The following SUMF1 variants were observed in gnomAD, a reference collection of about 807,000 sequenced individuals.
The protein encoded by SUMF1 is sulfatase modifying factor 1, also known as formylglycine-generating enzyme.
Under a neutral mutation model 47.6 loss-of-function variants are expected in SUMF1, and 48 were observed. That is an observed-to-expected ratio of 1.01 (90% CI 0.80 to 1.28). The LOEUF (loss-of-function observed/expected upper bound fraction) is 1.28. Among genes scored for constraint, SUMF1 ranks in the 50% most tolerant of loss-of-function variants. The pLI is 0.00. For synonymous variants in SUMF1, 230 were observed against 192.1 expected (o/e 1.20, Z -1.63); for missense variants, 571 against 485.4 (o/e 1.18, Z -1.66).
intron 8 of SUMF1, among the ~76,000 whole-genome samples, chr3:4,141,733 A>C (rs1181227237): frequency 6.6e-6 from 1 of 152,152 alleles, no homozygotes; most frequent in Non-Finnish European, 1.5e-5. Context: ...CACTTCATCC[A>C]CAGACAGTGA....
rs377301746 is a variant in SUMF1, at chr3:4,372,511, A to T, written c.1014+3819T>A. Among the ~76,000 whole-genome samples, 38 of 152,244 alleles carry T rather than the reference A, an allele frequency of 2.5e-4. No homozygotes were observed. In the East Asian group the frequency reaches 3.9e-3, roughly 15 times the overall value. On this transcript the variant is annotated intron_variant, in intron 8 of 8. Coordinates refer to ENST00000272902, the MANE Select transcript of SUMF1 (RefSeq NM_182760.4). ...GTTTATTAGTTGGTTCCTTCTTCAA[A>T]AGAGAAGAGGGGAAATAATCTAATT... is the stretch of plus-strand genomic sequence containing the variant.
intron 3 of SUMF1, among the ~76,000 whole-genome samples, chr3:4,439,717 T>C (rs1702517153): frequency 6.6e-6 from 1 of 151,782 alleles, no homozygotes; most frequent in African/African-American, 2.4e-5. Flanking sequence ...TTTCTTTTTA[T>C]TTTTTAATTT....
rs555765762 is a variant in SUMF1, at chr3:4,242,657, C to A, written c.1014+133673G>T. Among the ~76,000 whole-genome samples the A allele has an allele frequency of 8.5e-5, 13 of 152,274 alleles. No individual in the cohort carries two copies. In the South Asian group the frequency reaches 2.7e-3, roughly 32 times the overall value. On this transcript the variant is annotated intron_variant and NMD_transcript_variant, in intron 8 of 12. Coordinates refer to the SUMF1 transcript ENST00000448413. ...CATGGTGGATAAGCTTTTTGATGTG[C>A]TGCTGGATTCAGTTTGCCAGTATTT... is the stretch of plus-strand genomic sequence containing the variant.
chr3:4,168,406 G>C (rs1417500509), intron 8 of SUMF1, among the ~76,000 whole-genome samples: 2 of 152,176 alleles, frequency 1.3e-5, no homozygotes, highest in Non-Finnish European at 2.9e-5. Flanking sequence ...AATGTGATGA[G>C]AGATGAACAG....
At chr3:4,458,367 C>G (rs1323510592) in intron 1 of SUMF1, among the ~76,000 whole-genome samples, 2 of 152,132 alleles carry the variant, frequency 1.3e-5, no homozygotes, top group Non-Finnish European at 2.9e-5. Context: ...ATCCAGCTAT[C>G]CCACTTCTGG....
intron 8 of SUMF1, among the ~76,000 whole-genome samples, chr3:4,374,741 G>T (rs1272497711): frequency 2.0e-5 from 3 of 152,168 alleles, no homozygotes; most frequent in African/African-American, 7.2e-5. Flanking sequence ...CTGGCAAGAA[G>T]ATCCAGGTAC....
chr3:4,071,307 G>A (rs1298194963), intron 8 of SUMF1, among the ~76,000 whole-genome samples: 2 of 152,150 alleles, frequency 1.3e-5, no homozygotes, highest in African/African-American at 2.4e-5. Flanking sequence ...TGGACAGTGG[G>A]TGCAGCCCAC....
At chr3:4,222,536 G>A (rs1696089797) in intron 8 of SUMF1, among the ~76,000 whole-genome samples, 1 of 151,908 alleles carries the variant, frequency 6.6e-6, no homozygotes, top group Non-Finnish European at 1.5e-5. Context: ...CTGTGTGTAG[G>A]GTTGGTTTGT....
chr3:4,235,822 A>T (rs576956609), intron 8 of SUMF1, among the ~76,000 whole-genome samples: 1 of 152,144 alleles, frequency 6.6e-6, no homozygotes, highest in East Asian at 1.9e-4. Flanking sequence ...CCTTCTTTTC[A>T]TTCAACGCTG....
intron 8 of SUMF1, among the ~76,000 whole-genome samples, chr3:4,093,416 T>C (rs1308748129): frequency 2.6e-5 from 4 of 151,974 alleles, no homozygotes; most frequent in African/African-American, 7.3e-5. Flanking sequence ...GTGACACATA[T>C]TGTACCAAAG....
At chr3:4,092,372 C>A (rs1308983073) in intron 8 of SUMF1, among the ~76,000 whole-genome samples, 1 of 152,056 alleles carries the variant, frequency 6.6e-6, no homozygotes, top group East Asian at 1.9e-4. Flanking sequence ...ACAAGCATCC[C>A]CCAGTTTCCT....
intron 7 of SUMF1, among the ~76,000 whole-genome samples, chr3:4,385,652 T>C (rs1342101184): frequency 2.6e-5 from 4 of 152,234 alleles, no homozygotes; most frequent in Non-Finnish European, 5.9e-5. Context: ...TATTTATTTT[T>C]CCATATGTGG....
chr3:4,150,919 C>G (rs1485198082), intron 8 of SUMF1, among the ~76,000 whole-genome samples: 1 of 151,346 alleles, frequency 6.6e-6, no homozygotes, highest in Non-Finnish European at 1.5e-5. Flanking sequence ...TCCCTGTGCC[C>G]CAAAACGGCC....
At chr3:4,463,168 A>C (rs1287358706) in intron 1 of SUMF1, among the ~76,000 whole-genome samples, 1 of 152,220 alleles carries the variant, frequency 6.6e-6, no homozygotes, top group Non-Finnish European at 1.5e-5. Flanking sequence ...AAATGCTTCC[A>C]ATGTAGAATA....
At chr3:4,313,985 C>A in intron 8 of SUMF1, 1 of 803,128 alleles carries the variant, frequency 1.2e-6, no homozygotes. Flanking sequence ...GTCTTAGTGA[C>A]TGTTCTAGTT....
chr3:4,348,880 A>G (rs1699429945), intron 8 of SUMF1, among the ~76,000 whole-genome samples: 1 of 152,152 alleles, frequency 6.6e-6, no homozygotes, highest in South Asian at 2.1e-4. Context: ...CGTCTCAAAC[A>G]AACAAACAAA....
chr3:4,389,238 G>A (rs891166375), intron 7 of SUMF1, among the ~76,000 whole-genome samples: 1 of 151,900 alleles, frequency 6.6e-6, no homozygotes, highest in South Asian at 2.1e-4. Context: ...AGGATTCTGG[G>A]TTAACAATAC....
chr3:4,111,581 A>G (rs768242655), intron 8 of SUMF1, among the ~76,000 whole-genome samples: 37 of 151,786 alleles, frequency 2.4e-4, no homozygotes, highest in Non-Finnish European at 5.0e-4. Context: ...AGCTGAGGGT[A>G]GTGGTGCGCA....
intron 8 of SUMF1, among the ~76,000 whole-genome samples, chr3:4,088,869 C>T (rs1303527729): frequency 6.6e-6 from 1 of 151,926 alleles, no homozygotes; most frequent in African/African-American, 2.4e-5. Flanking sequence ...GATGAGAAAC[C>T]ACACACAGAA....
Sources: allele counts gnomAD v4.1 joint callset (sites outside exome capture counted in the v4.1 genomes callset), GRCh38; gene constraint gnomAD v4.1.1; transcripts MANE v1.5; gene names NCBI Gene and HGNC (gene_info 2026-07-23, HGNC 2026-07-21).